PAQR3: variants seen among roughly 807,000 people sequenced by gnomAD.
PAQR3 encodes the protein Raf kinase trapping to Golgi.
A neutral mutation model predicts 41.7 loss-of-function variants in PAQR3; 39 were observed. That is an observed-to-expected ratio of 0.93 (90% CI 0.72 to 1.22). The LOEUF is 1.22. Ranked by LOEUF, PAQR3 falls within the 50% of genes most tolerant of loss-of-function variation. PAQR3 has a pLI of 0.00. For missense variants in PAQR3, 366 were observed against 385.6 expected (o/e 0.95, Z 0.42); for synonymous variants, 140 against 140.6 (o/e 1.00, Z 0.03).
At chr4:78,929,673 CA>C (rs1254585288) in intron 3 of PAQR3, among the ~76,000 whole-genome samples, 1 of 152,146 alleles carries the variant, frequency 6.6e-6, no homozygotes, top group East Asian at 1.9e-4. Context: ...TACCCCCAAA[CA>C]TAAGACTGAA....
intron 3 of PAQR3, 121 bp downstream of exon 3, chr4:78,930,049 G>A (rs763197902): frequency 5.6e-6 from 5 of 896,402 alleles, no homozygotes; most frequent in Non-Finnish European, 8.2e-6. Context: ...ATGCTTATAC[G>A]AGACTCTTCT....
intron 11 of PAQR3, among the ~76,000 whole-genome samples, chr4:78,901,117 T>A (rs1397690860): frequency 6.6e-6 from 1 of 152,116 alleles, no homozygotes; most frequent in African/African-American, 2.4e-5. Flanking sequence ...ATCATAGGCT[T>A]ACTACAGCCC....
At chr4:78,935,044 T>C in intron 2 of PAQR3, 77 bp downstream of exon 2, 5 of 1,408,316 alleles carry the variant, frequency 3.6e-6, no homozygotes, top group Non-Finnish European at 3.9e-6. Context: ...GTGGTAGGTC[T>C]GAGGTAAGGT....
Position 78,916,512 on chromosome 4 carries a change from A to C in PAQR3, c.*4027T>G, listed in dbSNP as rs1476134483. On this transcript the variant is annotated 3_prime_UTR_variant, in exon 6 of 6. Transcript: ENST00000512733. ...GGAATAGAAAAGTTGCTAAGATTAG[A>C]TCCCTATTCTTAAGGAGCTCAGAGT... The C allele has an allele frequency of 6.6e-6, 1 of 151,894 alleles. No homozygotes were observed. Among genetic ancestry groups the C allele is most frequent in the African/African-American group, 2.4e-5 (1 of 41,426 alleles). 9.4% of individuals were successfully genotyped at this position (151,894 alleles called of 1,614,324 possible). A position where few individuals can be genotyped will look rare whatever the true frequency, so the allele number is the denominator to read the frequency against.
intron 3 of PAQR3, among the ~76,000 whole-genome samples, chr4:78,928,911 GATC>G (rs1736525367): frequency 6.6e-6 from 1 of 152,246 alleles, no homozygotes; most frequent in African/African-American, 2.4e-5. Context: ...GACAGTGACA[GATC>G]ATCAAGCATT....
Position 78,939,341 on chromosome 4 carries a change from C to G in PAQR3, c.-117G>C. The G allele has an allele frequency of 1.1e-6, 1 of 927,432 alleles. No homozygotes were observed. The highest frequency in any genetic ancestry group is 1.5e-6 in the Non-Finnish European group (1 of 680,202). 57.5% of individuals were successfully genotyped at this position (927,432 alleles called of 1,614,324 possible). ...GAGCCCGCGGACGCTGCGCGAGGTC[C>G]TACCGCGCTGCCGCTGCTGCCCAGG... On this transcript the variant is annotated 5_prime_UTR_variant, in exon 1 of 6. Transcript: ENST00000512733.
At chr4:78,908,797 A>G (rs1734415922), downstream of PAQR3, among the ~76,000 whole-genome samples, 1 of 152,160 alleles carries the variant, frequency 6.6e-6, no homozygotes, top group African/African-American at 2.4e-5. Flanking sequence ...AGGTATATAC[A>G]TTTATGGGGT....
intron 11 of PAQR3, among the ~76,000 whole-genome samples, chr4:78,891,478 T>C (rs1280958498): frequency 6.6e-6 from 1 of 152,046 alleles, no homozygotes; most frequent in African/African-American, 2.4e-5. Context: ...TTTCTGGACT[T>C]TCTTCTTTTA....
intron 2 of PAQR3, among the ~76,000 whole-genome samples, chr4:78,933,823 T>G (rs1298186380): frequency 6.6e-6 from 1 of 152,172 alleles, no homozygotes; most frequent in African/African-American, 2.4e-5. Context: ...TTCTCTGAAC[T>G]AACATCAGCT....
At chr4:78,931,008 T>G (rs1432113490) in intron 2 of PAQR3, among the ~76,000 whole-genome samples, 1 of 151,852 alleles carries the variant, frequency 6.6e-6, no homozygotes, top group East Asian at 1.9e-4. Context: ...ATTCATTGTA[T>G]AGAGTTTACT....
downstream of PAQR3, among the ~76,000 whole-genome samples, chr4:78,907,113 T>C (rs1734326056): frequency 6.6e-6 from 1 of 152,190 alleles, no homozygotes; most frequent in South Asian, 2.1e-4. Context: ...TGCTAAATAG[T>C]GAACAGTTAT....
At chr4:78,921,232 A>T (rs926540396) in intron 5 of PAQR3, among the ~76,000 whole-genome samples, 2 of 151,974 alleles carry the variant, frequency 1.3e-5, no homozygotes, top group African/African-American at 4.8e-5. Context: ...AAGGTTGTTT[A>T]GTTCATATAC....
At chr4:78,909,547 A>G (rs1419826204), downstream of PAQR3, among the ~76,000 whole-genome samples, 1 of 151,984 alleles carries the variant, frequency 6.6e-6, no homozygotes, top group Non-Finnish European at 1.5e-5. Context: ...CTTGCTCACT[A>G]TATTCCAGCC....
downstream of PAQR3, chr4:78,910,761 T>C (rs781257342): frequency 1.2e-6 from 2 of 1,613,918 alleles, no homozygotes; most frequent in Non-Finnish European, 1.7e-6. Flanking sequence ...AGGGGAATGA[T>C]GAATCTGAAA....
chr4:78,890,637 T>C (rs1733384808), intron 11 of PAQR3, among the ~76,000 whole-genome samples: 1 of 152,222 alleles, frequency 6.6e-6, no homozygotes, highest in Admixed American at 6.5e-5. Context: ...TTATGTACCC[T>C]ATCATTGATT....
At chr4:78,922,765 G>GA (rs547035833) in intron 5 of PAQR3, 4 of 370,326 alleles carry the variant, frequency 1.1e-5, no homozygotes, top group Middle Eastern at 3.7e-4. Flanking sequence ...ACCCTGGGGG[G>GA]AAAAAAAAGT....
rs1030733808 is a variant in PAQR3 at position 78,919,372 on chromosome 4, A to G, written c.*1167T>C. ...ACTAATGCATATGAAAGACCAAAGA[A>G]TAAGAGGGCTACAATGTATGATAGG... On this transcript the variant is annotated 3_prime_UTR_variant, in exon 6 of 6. Transcript: ENST00000512733. The G allele has an allele frequency of 1.0e-5, 10 of 984,200 alleles. No homozygotes were observed. In the African/African-American group the frequency reaches 1.7e-4, roughly 17 times the overall value. The allele number at this position is 984,200 out of a possible 1,614,324, so 61.0% of individuals were successfully genotyped here. A position where few individuals can be genotyped will look rare whatever the true frequency, so the allele number is the denominator to read the frequency against.
chr4:78,898,223 C>A (rs914476265), intron 11 of PAQR3, among the ~76,000 whole-genome samples: 1 of 152,100 alleles, frequency 6.6e-6, no homozygotes. Context: ...CCTAGACCCA[C>A]CCTGTGGGCT....
chr4:78,920,496 T>C lies in PAQR3; in HGVS notation c.*43A>G, dbSNP rs1210064638. ...TAGTGGGGTATACAATTCCCCATTA[T>C]ATATTGCTTAACAACTGAATTCACC... On this transcript the variant is annotated 3_prime_UTR_variant, in exon 6 of 6. Transcript: ENST00000512733. The C allele has an allele frequency of 3.2e-6, 5 of 1,587,030 alleles. No individual in the cohort carries two copies. The highest frequency in any genetic ancestry group is 4.3e-6 in the Non-Finnish European group (5 of 1,167,192).
Sources: allele counts gnomAD v4.1 joint callset (sites outside exome capture counted in the v4.1 genomes callset), GRCh38; gene constraint gnomAD v4.1.1; transcripts MANE v1.5; gene names NCBI Gene and HGNC (gene_info 2026-07-23, HGNC 2026-07-21).